Variants in CPNE4 observed in about 807,000 individuals in gnomAD.
The protein encoded by CPNE4 is copine 4, also known as copine-4.
In CPNE4, 25 loss-of-function variants were observed where a neutral mutation model predicts 67.9. The ratio of observed to expected loss-of-function variants is 0.37; its 90% CI spans 0.27 to 0.51. The LOEUF (loss-of-function observed/expected upper bound fraction) is 0.51, where lower values mean the gene tolerates loss of function less well. Ranked by LOEUF, CPNE4 falls within the 20% of genes least tolerant of loss-of-function variation. The pLI, the probability that CPNE4 is intolerant of heterozygous loss-of-function variation, is 0.93. For synonymous variants in CPNE4, 242 were observed against 244.9 expected, an observed-to-expected ratio of 0.99 and a Z score of 0.11; for missense variants, 464 against 690.8, an observed-to-expected ratio of 0.67 and a Z score of 3.68.
intron 7 of CPNE4, among the ~76,000 whole-genome samples, chr3:131,630,709 A>G (rs2079198484): frequency 6.6e-6 from 1 of 152,240 alleles, no homozygotes. Context: ...GATATAGAAT[A>G]TTTCCATCAC....
intron 3 of CPNE4, among the ~76,000 whole-genome samples, chr3:131,716,140 G>A (rs896203224): frequency 6.6e-6 from 1 of 152,062 alleles, no homozygotes; most frequent in Admixed American, 6.5e-5. Flanking sequence ...CATGCTTAAG[G>A]CTTCTATTTT....
intron 1 of CPNE4, among the ~76,000 whole-genome samples, chr3:131,966,751 CA>C (rs572931710): frequency 6.6e-6 from 1 of 151,914 alleles, no homozygotes; most frequent in Non-Finnish European, 1.5e-5. Flanking sequence ...AACAAACAAA[CA>C]AAAAAAGCCC....
At chr3:131,767,210 C>T (rs1385835039) in intron 2 of CPNE4, among the ~76,000 whole-genome samples, 1 of 151,862 alleles carries the variant, frequency 6.6e-6, no homozygotes, top group African/African-American at 2.4e-5. Context: ...CTATGACACT[C>T]TAATTAAGGG....
intron 3 of CPNE4, among the ~76,000 whole-genome samples, chr3:131,700,385 A>G (rs1442171204): frequency 6.6e-6 from 1 of 152,190 alleles, no homozygotes; most frequent in East Asian, 1.9e-4. Flanking sequence ...AGGGAGGGAA[A>G]GGAACTAAAG....
chr3:131,943,743 C>T (rs928567545), intron 1 of CPNE4, among the ~76,000 whole-genome samples: 3 of 152,092 alleles, frequency 2.0e-5, no homozygotes, highest in Non-Finnish European at 4.4e-5. Context: ...CGTATCTCCC[C>T]TACTTTCTTA....
intron 7 of CPNE4, among the ~76,000 whole-genome samples, chr3:131,668,939 A>G (rs549807238): frequency 3.3e-4 from 50 of 152,306 alleles, no homozygotes; most frequent in Middle Eastern, 3.4e-3. Context: ...GATGTAGTCT[A>G]TCTCCTTACC....
chr3:131,545,838 C>T (rs565345975), intron 14 of CPNE4, among the ~76,000 whole-genome samples: 6 of 152,210 alleles, frequency 3.9e-5, no homozygotes, highest in East Asian at 1.9e-4. Context: ...CCTAGGTGGG[C>T]GGATCATGAG....
chr3:131,872,720 C>T (rs544418735), intron 2 of CPNE4, among the ~76,000 whole-genome samples: 1 of 152,306 alleles, frequency 6.6e-6, no homozygotes, highest in East Asian at 1.9e-4. Context: ...CTCTCTTTAT[C>T]TCTCGGGATA....
intron 10 of CPNE4, among the ~76,000 whole-genome samples, chr3:131,569,176 C>T (rs912159703): frequency 1.2e-4 from 19 of 152,062 alleles, no homozygotes; most frequent in African/African-American, 4.3e-4. Flanking sequence ...TGTACCCTGG[C>T]TTTGCATAGG....
intron 1 of CPNE4, among the ~76,000 whole-genome samples, chr3:131,910,941 C>T (rs1383895909): frequency 6.6e-6 from 1 of 152,060 alleles, no homozygotes; most frequent in Non-Finnish European, 1.5e-5. Flanking sequence ...TGGAAAAGAG[C>T]TAAACTAGAA....
At chr3:131,853,758 G>C (rs1314534370) in intron 2 of CPNE4, among the ~76,000 whole-genome samples, 1 of 149,238 alleles carries the variant, frequency 6.7e-6, no homozygotes, top group Non-Finnish European at 1.5e-5. Flanking sequence ...CTTCATAAAA[G>C]AAGATGTATA....
intron 1 of CPNE4, among the ~76,000 whole-genome samples, chr3:131,996,292 G>C (rs1376101441): frequency 1.3e-5 from 2 of 152,154 alleles, no homozygotes; most frequent in Admixed American, 6.6e-5. Flanking sequence ...GAAGAACATG[G>C]AGAGTAGGAG....
Position 131,952,001 on chromosome 3 carries a change from G to C in CPNE4, c.-1-46557C>G, listed in dbSNP as rs2071745561. Among the ~76,000 whole-genome samples, 3 of 152,036 alleles carry C rather than the reference G, an allele frequency of 2.0e-5. No individual in the cohort carries two copies. In the South Asian group the frequency reaches 6.2e-4, roughly 32 times the overall value. ...AGCCGCCACCCCGTCTGGGAAGTGA[G>C]GAGCGTCTCTGCCTGGCCGCCCATC... On this transcript the variant is annotated intron_variant, in intron 1 of 15. Transcript: ENST00000429747.
chr3:131,773,324 T>C (rs2083213622), intron 2 of CPNE4, among the ~76,000 whole-genome samples: 1 of 149,558 alleles, frequency 6.7e-6, no homozygotes, highest in Non-Finnish European at 1.5e-5. Flanking sequence ...GATAAAACAA[T>C]ATGTGATTAT....
intron 7 of CPNE4, among the ~76,000 whole-genome samples, chr3:131,625,171 A>C (rs1031974232): frequency 2.0e-5 from 3 of 152,198 alleles, no homozygotes; most frequent in Non-Finnish European, 4.4e-5. Flanking sequence ...AAAAGTTAAC[A>C]GTACAATTAA....
intron 14 of CPNE4, among the ~76,000 whole-genome samples, chr3:131,543,353 A>G (rs1002004647): frequency 2.0e-4 from 30 of 152,374 alleles, no homozygotes; most frequent in African/African-American, 7.2e-4. Context: ...CAATTCAGTT[A>G]TTAGAAACAT....
Position 131,948,797 on chromosome 3 carries a change from AGT to A in CPNE4, c.-1-43355_-1-43354del, listed in dbSNP as rs1469621627. ...AGTGTTTATTAAATTGAAAACAACA[AGT>A]GGTTCCCCCAATCTGCTGATATGCT... is the stretch of plus-strand genomic sequence containing the variant. On this transcript the variant is annotated intron_variant, in intron 1 of 15. Transcript: ENST00000429747. Among the ~76,000 whole-genome samples, 3 of 152,318 alleles carry A rather than the reference AGT, an allele frequency of 2.0e-5. No individual in the cohort carries two copies. In the East Asian group the frequency reaches 5.8e-4, roughly 29 times the overall value.
intron 1 of CPNE4, among the ~76,000 whole-genome samples, chr3:131,927,229 T>C (rs1453936297): frequency 6.6e-6 from 1 of 152,220 alleles, no homozygotes; most frequent in African/African-American, 2.4e-5. Context: ...TGTTTTGCTT[T>C]TCAGAGAGTC....
chr3:131,646,075 G>GA (rs1300871907), intron 7 of CPNE4, among the ~76,000 whole-genome samples: 4 of 152,034 alleles, frequency 2.6e-5, no homozygotes, highest in Middle Eastern at 3.4e-3. Flanking sequence ...ACAAACTGCT[G>GA]AAAAAAAGTG....
Sources: allele counts gnomAD v4.1 joint callset (sites outside exome capture counted in the v4.1 genomes callset), GRCh38; gene constraint gnomAD v4.1.1; transcripts MANE v1.5; gene names NCBI Gene and HGNC (gene_info 2026-07-23, HGNC 2026-07-21).